Variants in CLN8 observed in about 807,000 individuals in gnomAD.
CLN8 encodes the protein CLN8 transmembrane ER and ERGIC protein.
CLN8 carries 14 observed loss-of-function variants against 15.7 expected under a neutral mutation model. The observed-to-expected ratio is 0.89, with a 90% CI of 0.59 to 1.39. CLN8 has a LOEUF of 1.39. Ranked by LOEUF, CLN8 falls within the 40% of genes most tolerant of loss-of-function variation. The pLI, the probability that CLN8 is intolerant of heterozygous loss-of-function variation, is 0.00. For synonymous variants in CLN8, 188 were observed against 151.0 expected (o/e 1.25, Z -1.80); for missense variants, 415 against 364.0 (o/e 1.14, Z -1.14).
At chr8:1,773,243 C>T (rs1291877150) in intron 2 of CLN8, among the ~76,000 whole-genome samples, 1 of 152,128 alleles carries the variant, frequency 6.6e-6, no homozygotes, top group Admixed American at 6.6e-5. Flanking sequence ...AGCAGGTGAG[C>T]ACCTCGGAGT....
rs372568348 is a variant in CLN8 at position 1,780,578 on chromosome 8, C to G, written c.*11C>G. ...AAGAAGAGGCCATAGCTGCTCCAGC[C>G]GGGGCTCCGGGGCGGCAGCAGAGCT... On this transcript the variant is annotated 3_prime_UTR_variant, in exon 3 of 3. Coordinates refer to ENST00000331222, the MANE Select transcript of CLN8 (RefSeq NM_018941.4). 2.5e-6 allele frequency: 4 copies of G among 1,610,518 alleles called. No homozygotes were observed. Among genetic ancestry groups the G allele is most frequent in the Non-Finnish European group, 3.4e-6 (4 of 1,177,474 alleles).
chr8:1,769,126 A>T (rs1444942302), intron 1 of CLN8, among the ~76,000 whole-genome samples: 1 of 152,188 alleles, frequency 6.6e-6, no homozygotes. Flanking sequence ...TCTGTGTTAA[A>T]GCTGGAGTGT....
chr8:1,777,386 C>A (rs1057014466), intron 2 of CLN8, among the ~76,000 whole-genome samples: 3 of 152,042 alleles, frequency 2.0e-5, no homozygotes, highest in Non-Finnish European at 4.4e-5. Flanking sequence ...ACTGTACTCT[C>A]CTATAGACTT....
chr8:1,761,436 T>G (rs903192668), upstream of CLN8, among the ~76,000 whole-genome samples: 4 of 152,208 alleles, frequency 2.6e-5, no homozygotes, highest in Non-Finnish European at 5.9e-5. Context: ...GCAATTCTCC[T>G]GCCTCAGGCT....
In CLN8 at chr8:1,780,252, G is replaced by A. The variant is rs144047076; in HGVS notation, c.546G>A (p.Ala182=). 1,069 of 1,614,236 alleles carry A rather than the reference G, an allele frequency of 6.6e-4. No homozygotes were observed. Among genetic ancestry groups the A allele is most frequent in the Non-Finnish European group, 8.4e-4 (986 of 1,180,048 alleles). Residue 182 remains alanine (A), a splice_region_variant and synonymous_variant, in exon 3 of 3, where the codon GCG becomes GCA. Coordinates refer to ENST00000331222, the MANE Select transcript of CLN8 (RefSeq NM_018941.4). ...FTCVSWMLLK[A]GWSESLFWKL... ...GCATTTGTCTTCTCTCCATGCAGGCGGGCTGGTCCGAGTCTCTGTTTTGGA... is the reference window on the plus strand; with the variant it reads ...GCATTTGTCTTCTCTCCATGCAGGCAGGCTGGTCCGAGTCTCTGTTTTGGA...
intron 1 of CLN8, among the ~76,000 whole-genome samples, chr8:1,765,939 G>A (rs1048839652): frequency 2.6e-5 from 4 of 152,004 alleles, no homozygotes; most frequent in South Asian, 2.1e-4. Context: ...CCCTTTTGAC[G>A]TCACTTCCAA....
In CLN8 at chr8:1,771,179, G is replaced by A; in HGVS notation, c.125G>A (p.Cys42Tyr). 3 of 1,614,074 alleles carry A rather than the reference G, an allele frequency of 1.9e-6. No homozygotes were observed. The highest frequency in any genetic ancestry group is 2.5e-6 in the Non-Finnish European group (3 of 1,180,034). Residue 42 changes from cysteine (C) to tyrosine (Y), a missense_variant, in exon 2 of 3, where the codon TGC becomes TAC. Physicochemically the swap from Cys to Tyr is radical, Grantham distance 194. Transcript: ENST00000331222. ...TTCTACTTGGGCGTCTTTGTGGTCT[G>A]CCACCAGCTGTCCTCTTCCCTGAAT... ...FVFYLGVFVV[C>Y]HQLSSSLNAT...
At chr8:1,767,263 C>T (rs997613672) in intron 1 of CLN8, among the ~76,000 whole-genome samples, 1 of 152,196 alleles carries the variant, frequency 6.6e-6, no homozygotes, top group Non-Finnish European at 1.5e-5. Context: ...GGATTCACTA[C>T]AGGACTGGAA....
upstream of CLN8, chr8:1,763,368 C>T (rs989258169): frequency 6.8e-4 from 78 of 114,650 alleles, 13 homozygotes; most frequent in Middle Eastern, 9.3e-3. Flanking sequence ...AGCGCGTCCA[C>T]CCCGCCGCCC....
At chr8:1,771,655 C>T (rs1563108387) in intron 2 of CLN8, 58 bp downstream of exon 2, 4 of 1,505,260 alleles carry the variant, frequency 2.7e-6, no homozygotes, top group Non-Finnish European at 3.6e-6. Context: ...TCACTGGCTA[C>T]AATGTCCTGG....
At chr8:1,753,250 G>A (rs1414559366), upstream of CLN8, among the ~76,000 whole-genome samples, 1 of 152,128 alleles carries the variant, frequency 6.6e-6, no homozygotes, top group Non-Finnish European at 1.5e-5. Flanking sequence ...ATTTTTATTA[G>A]GAGTTCACAG....
At chr8:1,777,017 G>A (rs994981291) in intron 2 of CLN8, among the ~76,000 whole-genome samples, 3 of 152,168 alleles carry the variant, frequency 2.0e-5, no homozygotes, top group Admixed American at 6.5e-5. Context: ...GCTTAACGAC[G>A]GGCTGTGTTC....
chr8:1,760,915 G>C (rs1800780362), upstream of CLN8, among the ~76,000 whole-genome samples: 1 of 152,132 alleles, frequency 6.6e-6, no homozygotes. Context: ...AGTGCAGGTG[G>C]GCTGGCAGTG....
At chr8:1,763,391 CGCGCCGCG>C (rs1800864020), upstream of CLN8, 3 of 80,212 alleles carry the variant, frequency 3.7e-5, no homozygotes, top group African/African-American at 1.5e-4. Flanking sequence ...CAGCGCCCGC[CGCGCCGCG>C]CCCCGCCCCC....
At chr8:1,754,591 A>T (rs1451986877), upstream of CLN8, among the ~76,000 whole-genome samples, 2 of 152,214 alleles carry the variant, frequency 1.3e-5, no homozygotes, top group Non-Finnish European at 2.9e-5. Flanking sequence ...TATAGCAGTG[A>T]TATACTTCTT....
chr8:1,774,035 A>G (rs897418960), intron 2 of CLN8: 12 of 152,156 alleles, frequency 7.9e-5, no homozygotes, highest in African/African-American at 2.9e-4. Flanking sequence ...AACAAGAAAG[A>G]CGTGAGTCTT....
chr8:1,780,275 G>A lies in CLN8; in HGVS notation c.569G>A (p.Trp190Ter), dbSNP rs1409174120. Residue 190 changes from tryptophan (W) to a stop codon, truncating the protein, a stop_gained, in exon 3 of 3, where the codon TGG becomes TAG. Coordinates refer to ENST00000331222, the MANE Select transcript of CLN8 (RefSeq NM_018941.4). LOFTEE classifies it high-confidence loss of function. ...LKAGWSESLF[W>*]KLNQWLMIHM... Reference sequence around the variant, plus strand: ...GCGGGCTGGTCCGAGTCTCTGTTTTGGAAGCTCAACCAGTGGCTGATGATT... The same window carrying A: ...GCGGGCTGGTCCGAGTCTCTGTTTTAGAAGCTCAACCAGTGGCTGATGATT... 1 of 1,614,246 alleles carries A rather than the reference G, an allele frequency of 6.2e-7. No individual in the cohort carries two copies. Among genetic ancestry groups the A allele is most frequent in the Non-Finnish European group, 8.5e-7 (1 of 1,180,050 alleles).
At position 1,784,889 on chromosome 8, in the gene CLN8, C is replaced by T. The variant is rs118000123; in HGVS notation, c.*4322C>T. The stretch of plus-strand genomic sequence containing the variant: ...TGGAGGTGATGTCCTCAGTAGAGAA[C>T]GGTGGCCACTGGAAACGTGTGGCCA... On this transcript the variant is annotated 3_prime_UTR_variant, in exon 3 of 3. Transcript: ENST00000331222. 10,279 of 152,428 alleles carry T rather than the reference C, an allele frequency of 0.067. 424 individuals carry two copies. The highest frequency in any genetic ancestry group is 0.098 in the Non-Finnish European group (6,688 of 68,150). 9.4% of individuals were successfully genotyped at this position (152,428 alleles called of 1,614,324 possible). A position where few individuals can be genotyped will look rare whatever the true frequency, so the allele number is the denominator to read the frequency against.
In CLN8 at chr8:1,777,434, TA is replaced by T. The variant is rs534202647; in HGVS notation, c.544-2809del. Among the ~76,000 whole-genome samples the T allele has an allele frequency of 4.4e-4, 67 of 152,224 alleles. No individual in the cohort carries two copies. The South Asian group carries it at 0.011, about 26-fold the overall frequency. Reference sequence around the variant, plus strand: ...GTACTTAAGCAATGCTAAATTTATATAAAAAAATTTCTTTAATCATAAAGTA... The same window carrying T: ...GTACTTAAGCAATGCTAAATTTATATAAAAAATTTCTTTAATCATAAAGTA... On this transcript the variant is annotated intron_variant, in intron 2 of 2. Coordinates refer to ENST00000331222, the MANE Select transcript of CLN8 (RefSeq NM_018941.4).
Sources: allele counts gnomAD v4.1 joint callset (sites outside exome capture counted in the v4.1 genomes callset), GRCh38; gene constraint gnomAD v4.1.1; transcripts MANE v1.5; gene names NCBI Gene and HGNC (gene_info 2026-07-23, HGNC 2026-07-21).